The following ANKRD49 variants were observed in gnomAD, a reference collection of about 807,000 sequenced individuals.
ANKRD49 encodes ankyrin repeat domain 49, also known as ankyrin repeat domain-containing protein 49.
In ANKRD49, 18 loss-of-function variants were observed where a neutral mutation model predicts 19.6. The ratio of observed to expected loss-of-function variants is 0.92; its 90% confidence interval spans 0.63 to 1.36. ANKRD49 has a LOEUF of 1.36. Ranked by LOEUF, ANKRD49 falls within the 40% of genes most tolerant of loss-of-function variation. The pLI, the probability that ANKRD49 is intolerant of heterozygous loss-of-function variation, is 0.00. For missense variants in ANKRD49, 218 were observed against 281.6 expected, an observed-to-expected ratio of 0.77 and a Z score of 1.62; for synonymous variants, 88 against 101.8, an observed-to-expected ratio of 0.86 and a Z score of 0.82.
intron 1 of ANKRD49, among the ~76,000 whole-genome samples, chr11:94,495,460 T>TA (rs1947403340): frequency 1.3e-5 from 2 of 152,030 alleles, no homozygotes; most frequent in South Asian, 4.2e-4. Flanking sequence ...CCAAAAAAAG[T>TA]AGAAAGCAGA....
At chr11:94,497,244 A>G in intron 2 of ANKRD49, 1 of 521,926 alleles carries the variant, frequency 1.9e-6, no homozygotes, top group Non-Finnish European at 3.4e-6. Flanking sequence ...AACATTTATT[A>G]AAAACTAACT....
chr11:94,499,481 C>G lies in ANKRD49; in HGVS notation c.*949C>G, dbSNP rs908094492. 1 of 151,614 alleles carries G rather than the reference C, an allele frequency of 6.6e-6. No individual in the cohort carries two copies. Among genetic ancestry groups the G allele is most frequent in the Non-Finnish European group, 1.5e-5 (1 of 67,916 alleles). 9.4% of individuals were successfully genotyped at this position (151,614 alleles called of 1,614,324 possible). On this transcript the variant is annotated 3_prime_UTR_variant, in exon 3 of 3. Coordinates refer to ENST00000544612, the MANE Select transcript of ANKRD49 (RefSeq NM_017704.3). ...GATTATTATATTGAGGCTAAAACCA[C>G]AAAGTGGCTCAGGCTTTAAAAAAAA...
At chr11:94,497,567 T>A (rs1947433119) in intron 2 of ANKRD49, 1 of 155,886 alleles carries the variant, frequency 6.4e-6, no homozygotes, top group South Asian at 2.0e-4. Flanking sequence ...ACCTAAAAGG[T>A]TGTTTCTAAG....
chr11:94,498,755 G>C lies in ANKRD49; in HGVS notation c.*223G>C, dbSNP rs1947453656. ...TGTGGAGTTTGTGATTTTTTTATCA[G>C]AAATAATTTTAATGTGTGTATACTT... On this transcript the variant is annotated 3_prime_UTR_variant, in exon 3 of 3. Coordinates refer to ENST00000544612, the MANE Select transcript of ANKRD49 (RefSeq NM_017704.3). The C allele has an allele frequency of 3.6e-6, 2 of 553,796 alleles. No homozygotes were observed. Among genetic ancestry groups the C allele is most frequent in the Non-Finnish European group, 6.3e-6 (2 of 316,256 alleles). 34.3% of individuals were successfully genotyped at this position (553,796 alleles called of 1,614,324 possible).
At chr11:94,496,499 A>G (rs540199) in intron 1 of ANKRD49, 105 bp from the exon 2 acceptor site, 169,195 of 509,390 alleles carry the variant, frequency 0.33, 29,274 homozygotes, top group East Asian at 0.41. Context: ...GAGAAAAACA[A>G]GAGTTTAGAC....
Position 94,494,006 on chromosome 11 carries a change from A to G in ANKRD49, c.-120A>G, listed in dbSNP as rs780628585. On this transcript the variant is annotated 5_prime_UTR_variant, in exon 1 of 3. The change abolishes an upstream ATG in the 5' untranslated region. Transcript: ENST00000544612. ...GCTAGGAGACGAACCCGGAAGTGAGATGCAAGGCGGCGATTTTCCCTTCTG... is the reference window on the plus strand; with the variant it reads ...GCTAGGAGACGAACCCGGAAGTGAGGTGCAAGGCGGCGATTTTCCCTTCTG... The G allele has an allele frequency of 1.3e-5, 2 of 152,340 alleles. No individual in the cohort carries two copies. The highest frequency in any genetic ancestry group is 2.9e-5 in the Non-Finnish European group (2 of 68,180). The allele number at this position is 152,340 out of a possible 1,614,324, so 9.4% of individuals were successfully genotyped here.
Position 94,498,426 on chromosome 11 carries a change from A to C in ANKRD49, c.614A>C (p.Lys205Thr). 1.2e-6 allele frequency: 2 copies of C among 1,613,728 alleles called. No individual in the cohort carries two copies. Among genetic ancestry groups the C allele is most frequent in the Non-Finnish European group, 1.7e-6 (2 of 1,179,860 alleles). ...LMNRYVKPGLKNNLEETAFDI... is the reference protein window; with the variant it reads ...LMNRYVKPGLTNNLEETAFDI... ...AACCGTTACGTCAAACCAGGGCTGA[A>C]AAACAACTTGGAAGAAACTGCATTT... The change falls in exon 3 of 3, where the codon AAA (lysine) becomes ACA (threonine). Residue 205 changes from lysine (K) to threonine (T), a missense_variant. Lys to Thr is a moderately conservative substitution (Grantham distance 78). Transcript: ENST00000544612.
Position 94,496,874 on chromosome 11 carries a change from G to C in ANKRD49, c.181G>C (p.Glu61Gln). 1 of 1,613,480 alleles carries C rather than the reference G, an allele frequency of 6.2e-7. No individual in the cohort carries two copies. The highest frequency in any genetic ancestry group is 1.1e-5 in the South Asian group (1 of 91,058). Residue 61 changes from glutamate (E) to glutamine (Q), a missense_variant, in exon 2 of 3, where the codon GAG (glutamate) becomes CAG (glutamine). Coordinates refer to ENST00000544612, the MANE Select transcript of ANKRD49 (RefSeq NM_017704.3). ...TGAGGAGCAAGATGACAAAAATGAA[G>C]AGTGGTATCGATTGCAAGAAAAAAA... is the stretch of plus-strand genomic sequence containing the variant. ...EDEEQDDKNE[E>Q]WYRLQEKKME...
intron 2 of ANKRD49, chr11:94,497,794 A>G (rs1482167718): frequency 1.2e-5 from 4 of 347,388 alleles, no homozygotes; most frequent in Middle Eastern, 7.7e-4. Flanking sequence ...CTTTTATGCA[A>G]TAAACCTTAG....
chr11:94,495,324 A>C lies in ANKRD49; in HGVS notation c.-90-1280A>C, dbSNP rs186555894. Among the ~76,000 whole-genome samples, 6 of 152,338 alleles carry C rather than the reference A, an allele frequency of 3.9e-5. No individual in the cohort carries two copies. In the East Asian group the frequency reaches 1.2e-3, roughly 29 times the overall value. ...AGACTTTAATTAAATGTAATGCTAC[A>C]CATACTTCTTAATGCCTTCTATAGA... is the stretch of plus-strand genomic sequence containing the variant. On this transcript the variant is annotated intron_variant, in intron 1 of 2. Coordinates refer to ENST00000544612, the MANE Select transcript of ANKRD49 (RefSeq NM_017704.3).
chr11:94,497,981 CT>C (rs1947440413), intron 2 of ANKRD49, 89 bp from the exon 3 acceptor site: 7 of 984,568 alleles, frequency 7.1e-6, no homozygotes, highest in Non-Finnish European at 1.0e-5. Flanking sequence ...TTTTATTCAA[CT>C]TAATTAAATC....
chr11:94,498,274 CAG>C lies in ANKRD49; in HGVS notation c.465_466del (p.Arg155SerfsTer9), dbSNP rs1565246908. On this transcript the variant is annotated frameshift_variant, in exon 3 of 3. Coordinates refer to ENST00000544612, the MANE Select transcript of ANKRD49 (RefSeq NM_017704.3). LOFTEE classifies it high-confidence loss of function. Reference sequence around the variant, plus strand: ...ACAGTGCTTGTAAGTGGAATAATACCAGAGTGGCTTCTTTCTTACTGCAGCAT... The same window carrying C: ...ACAGTGCTTGTAAGTGGAATAATACCAGTGGCTTCTTTCTTACTGCAGCAT... ...LHSACKWNNT[R>X]VASFLLQHDA... 6.2e-7 allele frequency: 1 copy of C among 1,614,148 alleles called. No homozygotes were observed. Among genetic ancestry groups the C allele is most frequent in the Non-Finnish European group, 8.5e-7 (1 of 1,180,030 alleles).
intron 2 of ANKRD49, chr11:94,497,799 C>A: frequency 2.8e-6 from 1 of 359,346 alleles, no homozygotes. Context: ...ATGCAATAAA[C>A]CTTAGTTGGA....
intron 1 of ANKRD49, among the ~76,000 whole-genome samples, chr11:94,496,286 T>C (rs950916847): frequency 6.6e-6 from 1 of 152,202 alleles, no homozygotes; most frequent in Non-Finnish European, 1.5e-5. Flanking sequence ...CTTCATTGTA[T>C]TAGTTATACT....
intron 1 of ANKRD49, among the ~76,000 whole-genome samples, chr11:94,494,336 C>A (rs1288376209): frequency 1.3e-5 from 2 of 152,204 alleles, no homozygotes; most frequent in Non-Finnish European, 2.9e-5. Flanking sequence ...TCCTTGAGTT[C>A]AGCACATCTG....
chr11:94,497,275 T>A, intron 2 of ANKRD49: 1 of 474,342 alleles, frequency 2.1e-6, no homozygotes, highest in South Asian at 4.9e-5. Flanking sequence ...CCTTATTACA[T>A]TATTTTATTT....
At chr11:94,496,264 G>A (rs1947416855) in intron 1 of ANKRD49, among the ~76,000 whole-genome samples, 1 of 152,058 alleles carries the variant, frequency 6.6e-6, no homozygotes, top group Admixed American at 6.5e-5. Context: ...TAAAAATCTT[G>A]AATGCACCTG....
At position 94,498,740 on chromosome 11, in the gene ANKRD49, G is replaced by C. The variant is rs564737938; in HGVS notation, c.*208G>C. 267 of 567,178 alleles carry C rather than the reference G, an allele frequency of 4.7e-4. 8 individuals are homozygous for C. The South Asian group carries it at 6.1e-3, about 13-fold the overall frequency. The allele number at this position is 567,178 out of a possible 1,614,324, so 35.1% of individuals were successfully genotyped here. A position where few individuals can be genotyped will look rare whatever the true frequency, so the allele number is the denominator to read the frequency against. ...ATCTTTAATTATTTCTGTGGAGTTT[G>C]TGATTTTTTTATCAGAAATAATTTT... is the stretch of plus-strand genomic sequence containing the variant. On this transcript the variant is annotated 3_prime_UTR_variant, in exon 3 of 3. Coordinates refer to ENST00000544612, the MANE Select transcript of ANKRD49 (RefSeq NM_017704.3).
rs1218220151 is a variant in ANKRD49 at position 94,499,089 on chromosome 11, A to C, written c.*557A>C. 1.3e-5 allele frequency: 2 copies of C among 154,802 alleles called. No individual in the cohort carries two copies. The highest frequency in any genetic ancestry group is 1.4e-5 in the Non-Finnish European group (1 of 69,744). The allele number at this position is 154,802 out of a possible 1,614,324, so 9.6% of individuals were successfully genotyped here. A position where few individuals can be genotyped will look rare whatever the true frequency, so the allele number is the denominator to read the frequency against. On this transcript the variant is annotated 3_prime_UTR_variant, in exon 3 of 3. Transcript: ENST00000544612. ...AAAACCTAGATCTTTGTCTTTTAGA[A>C]CACAGACCATTTTCAGGAAAGCAGT...
Sources: allele counts gnomAD v4.1 joint callset (sites outside exome capture counted in the v4.1 genomes callset), GRCh38; gene constraint gnomAD v4.1.1; transcripts MANE v1.5; gene names NCBI Gene and HGNC (gene_info 2026-07-23, HGNC 2026-07-21).